The following SOCS5 variants were observed in gnomAD, a reference collection of about 807,000 sequenced individuals.
SOCS5 encodes the protein CIS-6.
SOCS5 carries 32 observed loss-of-function variants against 42.8 expected under a neutral mutation model. The ratio of observed to expected loss-of-function variants is 0.75; its 90% confidence interval spans 0.56 to 1.01. The LOEUF (loss-of-function observed/expected upper bound fraction) is 1.01. Among genes scored for constraint, SOCS5 ranks in the 50% least tolerant of loss-of-function variants. The pLI is 0.00. For missense variants in SOCS5, 627 were observed against 653.0 expected, an observed-to-expected ratio of 0.96 and a Z score of 0.43; for synonymous variants, 283 against 229.6, an observed-to-expected ratio of 1.23 and a Z score of -2.10.
At position 46,739,301 on chromosome 2, in the gene SOCS5, A is replaced by G. The variant is rs74898824; in HGVS notation, c.-12-19218A>G. ...CAGGAATGATAGTTCGAAAGGTAAT[A>G]TAATTAGAGAAATAATAGTCTTGTG... On this transcript the variant is annotated intron_variant, in intron 1 of 1. Coordinates refer to ENST00000394861, the MANE Select transcript of SOCS5 (RefSeq NM_144949.3). Among the ~76,000 whole-genome samples the G allele has an allele frequency of 6.0e-3, 917 of 152,288 alleles. 4 individuals carry two copies. The highest frequency in any genetic ancestry group is 0.021 in the African/African-American group (884 of 41,570).
At position 46,699,508 on chromosome 2, in the gene SOCS5, G is replaced by A. The variant is rs571357103; in HGVS notation, c.-13+59G>A. 1 of 151,852 alleles carries A rather than the reference G, an allele frequency of 6.6e-6. No homozygotes were observed. The highest frequency in any genetic ancestry group is 1.8e-4 in the South Asian group (1 of 5,476). 9.4% of individuals were successfully genotyped at this position (151,852 alleles called of 1,614,324 possible). On this transcript the variant is annotated intron_variant, in intron 1 of 1. Transcript: ENST00000394861. This position sits in a 1 kb window ranked among gnomAD's most constrained non-coding sequence, Gnocchi z 4.8. ...CCTGCTCCCCGGCCCCCGCGCCGTCGTCCGCGGCCGCCTCTCGGTGCCCCA... is the reference window on the plus strand; with the variant it reads ...CCTGCTCCCCGGCCCCCGCGCCGTCATCCGCGGCCGCCTCTCGGTGCCCCA...
chr2:46,738,424 A>C (rs1184704487), intron 1 of SOCS5, among the ~76,000 whole-genome samples: 1 of 152,234 alleles, frequency 6.6e-6, no homozygotes, highest in East Asian at 1.9e-4. Flanking sequence ...GTGGAGGAAG[A>C]GCAAGATACT....
chr2:46,716,367 A>ATTTTTTTT (rs35187667), intron 1 of SOCS5, among the ~76,000 whole-genome samples: 45 of 17,038 alleles, frequency 2.6e-3, no homozygotes, highest in Middle Eastern at 0.033. Context: ...GAGTGTCTTC[A>ATTTTTTTT]TTTTTTTTTT....
In SOCS5 at chr2:46,760,797, T is replaced by C; in HGVS notation, c.*656T>C. On this transcript the variant is annotated 3_prime_UTR_variant, in exon 2 of 2. Coordinates refer to ENST00000394861, the MANE Select transcript of SOCS5 (RefSeq NM_144949.3). ...ACTTACAAAGCTAGTAGTAGAATTT[T>C]ATTGAAAGGCCTAGGTATTAATTTT... 1 of 167,242 alleles carries C rather than the reference T, an allele frequency of 6.0e-6. No homozygotes were observed. 10.4% of individuals were successfully genotyped at this position (167,242 alleles called of 1,614,324 possible).
intron 1 of SOCS5, among the ~76,000 whole-genome samples, chr2:46,752,235 A>C (rs982250917): frequency 6.6e-6 from 1 of 151,060 alleles, no homozygotes; most frequent in African/African-American, 2.4e-5. Flanking sequence ...CGGCAGCATT[A>C]GATGCTCATA....
chr2:46,703,354 G>GT (rs111676318), intron 1 of SOCS5, among the ~76,000 whole-genome samples: 1,968 of 147,258 alleles, frequency 0.013, 21 homozygotes, highest in Middle Eastern at 0.022. Flanking sequence ...AGTTTTCACA[G>GT]TTTTTTTTTT....
At chr2:46,743,581 G>A (rs904686227) in intron 1 of SOCS5, among the ~76,000 whole-genome samples, 4 of 152,222 alleles carry the variant, frequency 2.6e-5, no homozygotes, top group African/African-American at 9.6e-5. Flanking sequence ...ATTATGACCT[G>A]TATTTTGTGC....
At chr2:46,750,103 A>G (rs1450354246) in intron 1 of SOCS5, among the ~76,000 whole-genome samples, 1 of 152,158 alleles carries the variant, frequency 6.6e-6, no homozygotes, top group Non-Finnish European at 1.5e-5. Flanking sequence ...AAGACATTCA[A>G]GGTTATAGGA....
rs149838906 is a variant in SOCS5, at chr2:46,706,426, C to T, written c.-13+6977C>T. Among the ~76,000 whole-genome samples, 453 of 152,202 alleles carry T rather than the reference C, an allele frequency of 3.0e-3. 4 individuals are homozygous for T. The highest frequency in any genetic ancestry group is 0.011 in the African/African-American group (440 of 41,518). On this transcript the variant is annotated intron_variant, in intron 1 of 1. Coordinates refer to ENST00000394861, the MANE Select transcript of SOCS5 (RefSeq NM_144949.3). ...GTGCTCTTTTACTCTTTGCTATGGT[C>T]GGCTTTGGTTGTCATTTTACCACAA...
chr2:46,716,655 T>G (rs906501165), intron 1 of SOCS5, among the ~76,000 whole-genome samples: 3 of 152,022 alleles, frequency 2.0e-5, no homozygotes, highest in African/African-American at 7.3e-5. Flanking sequence ...TATTTTGACT[T>G]TTTTGTGCAG....
rs1407305214 is a variant in SOCS5, at chr2:46,761,222, A to G, written c.*1081A>G. The G allele has an allele frequency of 6.0e-6, 1 of 167,144 alleles. No individual in the cohort carries two copies. Among genetic ancestry groups the G allele is most frequent in the Non-Finnish European group, 1.5e-5 (1 of 68,118 alleles). 10.4% of individuals were successfully genotyped at this position (167,144 alleles called of 1,614,324 possible). On this transcript the variant is annotated 3_prime_UTR_variant, in exon 2 of 2. Transcript: ENST00000394861. ...TACTGTACAACCATTATATCTGTAAATAACTTAGCACCTTTTTGTCACTTA... is the reference window on the plus strand; with the variant it reads ...TACTGTACAACCATTATATCTGTAAGTAACTTAGCACCTTTTTGTCACTTA...
At chr2:46,729,979 T>G (rs1673080425) in intron 1 of SOCS5, among the ~76,000 whole-genome samples, 1 of 152,204 alleles carries the variant, frequency 6.6e-6, no homozygotes, top group Non-Finnish European at 1.5e-5. Flanking sequence ...TTTAGCTTTT[T>G]TGTTAAAGAC....
chr2:46,739,098 A>G (rs1288156983), intron 1 of SOCS5, among the ~76,000 whole-genome samples: 1 of 152,216 alleles, frequency 6.6e-6, no homozygotes, highest in African/African-American at 2.4e-5. Context: ...TTTCTTTGGT[A>G]GAATATTTAA....
Position 46,758,561 on chromosome 2 carries a change from T to G in SOCS5, c.31T>G (p.Phe11Val). MDKVGKMWNNFKYRCQNLFGH... is the reference protein window; with the variant it reads MDKVGKMWNNVKYRCQNLFGH... The stretch of plus-strand genomic sequence containing the variant: ...TAAAGTGGGAAAAATGTGGAATAAC[T>G]TCAAATACAGGTGTCAGAATCTCTT... Residue 11 changes from phenylalanine (F) to valine (V), a missense_variant, in exon 2 of 2, where the codon TTC becomes GTC. This residue lies in a region of SOCS5 where 278 missense variants were observed against 246.3 expected (regional missense o/e 1.13). Transcript: ENST00000394861. 1.2e-6 allele frequency: 2 copies of G among 1,601,730 alleles called. No individual in the cohort carries two copies. The highest frequency in any genetic ancestry group is 1.7e-6 in the Non-Finnish European group (2 of 1,176,372).
At chr2:46,744,508 T>G (rs190594131) in intron 1 of SOCS5, among the ~76,000 whole-genome samples, 5 of 152,180 alleles carry the variant, frequency 3.3e-5, no homozygotes, top group Admixed American at 3.3e-4. Flanking sequence ...TCCAAACTAG[T>G]TCTTTCAAAA....
At chr2:46,721,974 C>T (rs565065318) in intron 1 of SOCS5, among the ~76,000 whole-genome samples, 2 of 151,180 alleles carry the variant, frequency 1.3e-5, no homozygotes, top group Non-Finnish European at 2.9e-5. Flanking sequence ...AGGCACATTC[C>T]ATATTAATAA....
intron 1 of SOCS5, among the ~76,000 whole-genome samples, chr2:46,704,552 C>G (rs984909648): frequency 3.9e-5 from 6 of 152,140 alleles, no homozygotes; most frequent in Non-Finnish European, 1.5e-5. Flanking sequence ...CTGAATACCA[C>G]AGGTTGGCAC....
At chr2:46,752,681 C>T (rs946955794) in intron 1 of SOCS5, among the ~76,000 whole-genome samples, 3 of 152,102 alleles carry the variant, frequency 2.0e-5, no homozygotes, top group African/African-American at 7.2e-5. Context: ...TATAGTGCTC[C>T]ACTGTATGAA....
chr2:46,736,018 C>G lies in SOCS5; in HGVS notation c.-12-22501C>G, dbSNP rs186668649. Among the ~76,000 whole-genome samples the G allele has an allele frequency of 1.2e-4, 18 of 151,236 alleles. No individual in the cohort carries two copies. The East Asian group carries it at 3.5e-3, about 30-fold the overall frequency. On this transcript the variant is annotated intron_variant, in intron 1 of 1. Transcript: ENST00000394861. Reference sequence around the variant, plus strand: ...CTCCCCCATTCCCCTTCCCTTCCCTCCCCTTCTGTACCTCTCTTTCCCCCT... The same window carrying G: ...CTCCCCCATTCCCCTTCCCTTCCCTGCCCTTCTGTACCTCTCTTTCCCCCT...
Sources: allele counts gnomAD v4.1 joint callset (sites outside exome capture counted in the v4.1 genomes callset), GRCh38; gene constraint gnomAD v4.1.1; regional missense constraint gnomAD v4.1.1; non-coding constraint Gnocchi (gnomAD v3.1); transcripts MANE v1.5; gene names NCBI Gene and HGNC (gene_info 2026-07-23, HGNC 2026-07-21).